TRIP12: variants seen among roughly 807,000 people sequenced by gnomAD.
TRIP12 encodes the protein E3 ubiquitin-protein ligase TRIP12.
In TRIP12, 25 loss-of-function variants were observed where a neutral mutation model predicts 244.2. The ratio of observed to expected loss-of-function variants is 0.10; its 90% CI spans 0.07 to 0.14. TRIP12 has a LOEUF of 0.14. Among genes scored for constraint, TRIP12 ranks in the 10% least tolerant of loss-of-function variants. The probability of loss-of-function intolerance (pLI) is 1.00; values close to 1 mark genes in which losing one functional copy is unlikely to be tolerated. For synonymous variants in TRIP12, 905 were observed against 873.1 expected (o/e 1.04, Z -0.64); for missense variants, 1,677 against 2,486.4 (o/e 0.67, Z 6.92).
In TRIP12 at chr2:229,793,149, A is replaced by C; in HGVS notation, c.3969-4T>G. The stretch of plus-strand genomic sequence containing the variant: ...TGATCCTCTGTTGAGAGAAAAGCTC[A>C]AGATAATTTGTGAAAAAAAAGTTAG... On this transcript the variant is annotated splice_polypyrimidine_tract_variant and splice_region_variant and intron_variant, in intron 26 of 41. Coordinates refer to ENST00000675903, the MANE Select transcript of TRIP12 (RefSeq NM_001348323.3). The C allele has an allele frequency of 6.2e-7, 1 of 1,604,776 alleles. No individual in the cohort carries two copies. Among genetic ancestry groups the C allele is most frequent in the Non-Finnish European group, 8.5e-7 (1 of 1,176,872 alleles).
chr2:229,768,044 G>A lies in TRIP12; in HGVS notation c.6008-294C>T, dbSNP rs77876412. Among the ~76,000 whole-genome samples, 373 of 152,250 alleles carry A rather than the reference G, an allele frequency of 2.4e-3. 1 individual carries two copies. Among genetic ancestry groups the A allele is most frequent in the African/African-American group, 8.1e-3 (336 of 41,530 alleles). ...TCTGGGAGGCCGAGGTGAGCCAGTC[G>A]CTTGAGAGTTTCAGACCAGCCTGGG... On this transcript the variant is annotated intron_variant, in intron 41 of 41. Transcript: ENST00000675903.
intron 4 of TRIP12, among the ~76,000 whole-genome samples, chr2:229,850,574 G>A (rs1019309462): frequency 6.6e-6 from 1 of 152,168 alleles, no homozygotes; most frequent in Admixed American, 6.5e-5. Flanking sequence ...CACAGCCCTC[G>A]CTCGCTCTCG....
At chr2:229,919,608 T>C (rs573055737) in intron 1 of TRIP12, among the ~76,000 whole-genome samples, 69 of 145,436 alleles carry the variant, frequency 4.7e-4, no homozygotes, top group Non-Finnish European at 9.2e-4. Flanking sequence ...TTTTTGAAAG[T>C]AAATGAAAAA....
At chr2:229,787,040 A>G (rs1292372197) in intron 33 of TRIP12, among the ~76,000 whole-genome samples, 6 of 152,228 alleles carry the variant, frequency 3.9e-5, no homozygotes, top group Non-Finnish European at 8.8e-5. Flanking sequence ...GCAATACTGG[A>G]GCTAACTGGT....
intron 1 of TRIP12, among the ~76,000 whole-genome samples, chr2:229,895,885 A>G (rs2068675915): frequency 6.6e-6 from 1 of 152,176 alleles, no homozygotes; most frequent in Non-Finnish European, 1.5e-5. Context: ...CCACATGTAG[A>G]GCTGTGCAGG....
intron 6 of TRIP12, among the ~76,000 whole-genome samples, chr2:229,834,593 G>A (rs1575685611): frequency 1.3e-5 from 2 of 152,016 alleles, no homozygotes; most frequent in South Asian, 2.1e-4. Context: ...AACCCCTTCT[G>A]TACTAAAAAT....
intron 2 of TRIP12, among the ~76,000 whole-genome samples, chr2:229,872,224 C>G (rs1576427494): frequency 6.6e-6 from 1 of 150,866 alleles, no homozygotes; most frequent in South Asian, 2.1e-4. Flanking sequence ...AGGCCAGGAG[C>G]TTGAGACGAG....
chr2:229,877,814 C>T (rs986985890), intron 2 of TRIP12, among the ~76,000 whole-genome samples: 1 of 152,170 alleles, frequency 6.6e-6, no homozygotes, highest in African/African-American at 2.4e-5. Flanking sequence ...GTCAACAGCA[C>T]ACGTTATAAG....
At chr2:229,800,535 A>G (rs2044005912) in intron 21 of TRIP12, among the ~76,000 whole-genome samples, 1 of 152,214 alleles carries the variant, frequency 6.6e-6, no homozygotes, top group Non-Finnish European at 1.5e-5. Flanking sequence ...AATGTGCTTG[A>G]CAATCAGGAA....
At chr2:229,798,786 G>A (rs745858183) in intron 23 of TRIP12, 89 bp downstream of exon 23, 81 of 1,374,836 alleles carry the variant, frequency 5.9e-5, no homozygotes, top group Non-Finnish European at 7.6e-5. Flanking sequence ...TCTATGTATC[G>A]TCTCCACACA....
At chr2:229,922,949 G>T (rs534900129), upstream of TRIP12, among the ~76,000 whole-genome samples, 1 of 152,316 alleles carries the variant, frequency 6.6e-6, no homozygotes, top group Admixed American at 6.5e-5. Flanking sequence ...TCACCTCAGC[G>T]TGAGAAGGAG....
chr2:229,810,891 A>T lies in TRIP12; in HGVS notation c.2210T>A (p.Leu737His). 1 of 1,613,398 alleles carries T rather than the reference A, an allele frequency of 6.2e-7. No homozygotes were observed. Among genetic ancestry groups the T allele is most frequent in the Non-Finnish European group, 8.5e-7 (1 of 1,179,804 alleles). Residue 737 changes from leucine to histidine, a missense_variant, in exon 15 of 42, where the codon CTT becomes CAT. Physicochemically the swap from Leu to His is moderately conservative, Grantham distance 99 (BLOSUM62 -3). Transcript: ENST00000675903. Reference protein sequence around the residue: ...CSNCPTLAVQLMKQNIAETLH... With the variant: ...CSNCPTLAVQHMKQNIAETLH... ...AAATTTGCACTTACTTTGTTTCATA[A>T]GTTGAACAGCTAAAGTTGGACAGTT...
At chr2:229,871,183 A>AGAGGG (rs2062521943) in intron 2 of TRIP12, among the ~76,000 whole-genome samples, 1 of 116,340 alleles carries the variant, frequency 8.6e-6, no homozygotes, top group African/African-American at 3.4e-5. Context: ...AGAAAAGAAG[A>AGAGGG]GAGGGGAGGA....
intron 8 of TRIP12, among the ~76,000 whole-genome samples, chr2:229,821,198 G>A (rs940273911): frequency 3.3e-5 from 5 of 152,110 alleles, no homozygotes; most frequent in Non-Finnish European, 5.9e-5. Flanking sequence ...TGCTAGTACC[G>A]TTTAGTGCCA....
intron 4 of TRIP12, among the ~76,000 whole-genome samples, chr2:229,850,355 C>T (rs1337347034): frequency 6.6e-6 from 1 of 152,178 alleles, no homozygotes; most frequent in African/African-American, 2.4e-5. Context: ...AAAGCGGTCA[C>T]ATATTGGAAC....
intron 8 of TRIP12, among the ~76,000 whole-genome samples, chr2:229,828,105 T>C (rs2052244518): frequency 6.6e-6 from 1 of 152,224 alleles, no homozygotes; most frequent in Non-Finnish European, 1.5e-5. Context: ...ATATAATGCC[T>C]GGGATTCATT....
intron 32 of TRIP12, among the ~76,000 whole-genome samples, chr2:229,788,167 G>A (rs1229889498): frequency 6.6e-6 from 1 of 152,160 alleles, no homozygotes; most frequent in Non-Finnish European, 1.5e-5. Flanking sequence ...TCAAGTAATA[G>A]TGCATTAAGT....
upstream of TRIP12, chr2:229,922,697 C>A: frequency 7.3e-7 from 1 of 1,369,564 alleles, no homozygotes; most frequent in Non-Finnish European, 1.0e-6. Flanking sequence ...AGGCCAAGAG[C>A]AACCGTAGCC....
chr2:229,786,856 T>C (rs1238497207), intron 33 of TRIP12, among the ~76,000 whole-genome samples: 2 of 152,164 alleles, frequency 1.3e-5, no homozygotes, highest in African/African-American at 4.8e-5. Context: ...ATAAAGGCTT[T>C]AGGAAAAGAA....
Sources: gnomAD v4.1 joint callset for allele counts (sites outside exome capture counted in the v4.1 genomes callset) on GRCh38, gnomAD v4.1.1 for gene constraint, MANE v1.5 for transcripts, NCBI Gene and HGNC (gene_info 2026-07-23, HGNC 2026-07-21) for gene names.